The following UBQLN1 variants were observed in gnomAD, a reference collection of about 807,000 sequenced individuals.
UBQLN1 encodes ubiquilin 1, also known as ubiquilin-1.
In UBQLN1, 13 loss-of-function variants were observed where a neutral mutation model predicts 65.4. The ratio of observed to expected loss-of-function variants is 0.20; its 90% CI spans 0.13 to 0.32. The LOEUF is 0.32. UBQLN1 is among the 10% of genes least tolerant of loss of function. The pLI is 1.00. For missense variants in UBQLN1, 561 were observed against 724.0 expected, an observed-to-expected ratio of 0.77 and a Z score of 2.58; for synonymous variants, 267 against 247.8, an observed-to-expected ratio of 1.08 and a Z score of -0.73.
chr9:83,673,704 A>T (rs1490666191), intron 6 of UBQLN1, among the ~76,000 whole-genome samples: 2 of 152,194 alleles, frequency 1.3e-5, no homozygotes, highest in Admixed American at 1.3e-4. Context: ...TTATTGGAAC[A>T]GTCATTCTCA....
chr9:83,660,017 T>G lies in UBQLN1; in HGVS notation c.*1770A>C, dbSNP rs746517237. 7 of 152,228 alleles carry G rather than the reference T, an allele frequency of 4.6e-5. No homozygotes were observed. The highest frequency in any genetic ancestry group is 8.8e-5 in the Non-Finnish European group (6 of 68,044). 9.4% of individuals were successfully genotyped at this position (152,228 alleles called of 1,614,324 possible). ...ATTTTATGATTAATAAATTGTCAAA[T>G]TAGTTATGACACTATCCCACACTGA... On this transcript the variant is annotated 3_prime_UTR_variant, in exon 11 of 11. Coordinates refer to ENST00000376395, the MANE Select transcript of UBQLN1 (RefSeq NM_013438.5).
At chr9:83,680,355 A>G (rs1279551003) in intron 3 of UBQLN1, among the ~76,000 whole-genome samples, 1 of 152,104 alleles carries the variant, frequency 6.6e-6, no homozygotes, top group East Asian at 1.9e-4. Context: ...TGACAGGAGT[A>G]TCTTTTATTA....
At chr9:83,663,331 C>A (rs921109215) in intron 10 of UBQLN1, among the ~76,000 whole-genome samples, 6 of 152,102 alleles carry the variant, frequency 3.9e-5, no homozygotes, top group African/African-American at 1.4e-4. Context: ...ATTAGTAAAA[C>A]CAATGTATGT....
chr9:83,693,456 T>C lies in UBQLN1; in HGVS notation c.181-7301A>G, dbSNP rs776098144. ...TCAAGGTATCTTGTATCTGCCTTTT[T>C]CTTTTTCTTATTTTTTTTTTAACCA... On this transcript the variant is annotated intron_variant, in intron 1 of 10. Coordinates refer to ENST00000376395, the MANE Select transcript of UBQLN1 (RefSeq NM_013438.5). Among the ~76,000 whole-genome samples the C allele has an allele frequency of 2.2e-5, 3 of 139,084 alleles. 1 individual carries two copies. In the South Asian group the frequency reaches 6.9e-4, roughly 32 times the overall value. The allele number at this position is 139,084 out of a possible 152,430, so 91.2% of individuals were successfully genotyped here.
intron 2 of UBQLN1, among the ~76,000 whole-genome samples, chr9:83,683,561 C>T (rs1471939983): frequency 6.6e-6 from 1 of 151,674 alleles, no homozygotes; most frequent in African/African-American, 2.4e-5. Context: ...AAAATAAAAC[C>T]CTACAAAATA....
chr9:83,673,560 A>C (rs566584369), intron 6 of UBQLN1, among the ~76,000 whole-genome samples: 2 of 86,258 alleles, frequency 2.3e-5, no homozygotes, highest in East Asian at 2.5e-4. Context: ...AAAAAAAAAA[A>C]AAAAAAACAA....
chr9:83,683,978 G>A (rs1245702047), intron 2 of UBQLN1, among the ~76,000 whole-genome samples: 8 of 151,922 alleles, frequency 5.3e-5, no homozygotes, highest in East Asian at 2.0e-4. Context: ...CCAAGATTGC[G>A]CCACTGCACT....
In UBQLN1 at chr9:83,666,436, A is replaced by G. The variant is rs1831644373; in HGVS notation, c.1249-3T>C. On this transcript the variant is annotated splice_polypyrimidine_tract_variant and splice_region_variant and intron_variant, in intron 7 of 10. Coordinates refer to ENST00000376395, the MANE Select transcript of UBQLN1 (RefSeq NM_013438.5). ...AATAGGGGATTATTCAGCATCATCT[A>G]TGGGGCAAGTGTTCAAACAATTTTA... The G allele has an allele frequency of 6.2e-7, 1 of 1,613,626 alleles. No individual in the cohort carries two copies. The highest frequency in any genetic ancestry group is 2.2e-5 in the East Asian group (1 of 44,844).
At chr9:83,699,478 C>T (rs958760503) in intron 1 of UBQLN1, among the ~76,000 whole-genome samples, 2 of 152,110 alleles carry the variant, frequency 1.3e-5, no homozygotes, top group Non-Finnish European at 2.9e-5. Context: ...AGGTGTGTGC[C>T]ACCACACCTA....
chr9:83,679,259 G>A (rs1363849461), intron 4 of UBQLN1, among the ~76,000 whole-genome samples: 2 of 152,082 alleles, frequency 1.3e-5, no homozygotes, highest in South Asian at 2.1e-4. Flanking sequence ...CTTTTTGTTC[G>A]TTTTTGCTTT....
At chr9:83,705,246 C>CTTTTTTTT (rs57550660) in intron 1 of UBQLN1, among the ~76,000 whole-genome samples, 5 of 129,484 alleles carry the variant, frequency 3.9e-5, no homozygotes, top group Admixed American at 7.5e-5. Flanking sequence ...GCCAGCACTC[C>CTTTTTTTT]TTTTTTTTTT....
rs1448487512 is a variant in UBQLN1 at position 83,667,692 on chromosome 9, T to C, written c.1249-1259A>G. The C allele has an allele frequency of 5.1e-6, 5 of 985,058 alleles. No homozygotes were observed. The South Asian group carries it at 2.3e-4, about 46-fold the overall frequency. The allele number at this position is 985,058 out of a possible 1,614,324, so 61.0% of individuals were successfully genotyped here. A position where few individuals can be genotyped will look rare whatever the true frequency, so the allele number is the denominator to read the frequency against. On this transcript the variant is annotated intron_variant, in intron 7 of 10. Transcript: ENST00000376395. ...CATTTCATCTTAAAAAAGCATGTCA[T>C]CTTAAACGTATCCTTTCACAGATAA... is the stretch of plus-strand genomic sequence containing the variant.
chr9:83,678,398 C>CAG, intron 5 of UBQLN1, 43 bp downstream of exon 5: 1 of 1,567,702 alleles, frequency 6.4e-7, no homozygotes. Context: ...TGTGTTAAAA[C>CAG]AGAAGCTACT....
At position 83,707,691 on chromosome 9, in the gene UBQLN1, C is replaced by T. The variant is rs746021496; in HGVS notation, c.-12G>A. On this transcript the variant is annotated 5_prime_UTR_variant, in exon 1 of 11. Transcript: ENST00000376395. ...CCACTCTCGGCCATGGCTGTGGCGG[C>T]GGCGGCGGCGGTGACTCAGGCAAGC... 2.8e-5 allele frequency: 42 copies of T among 1,524,742 alleles called. No homozygotes were observed. In the East Asian group the frequency reaches 1.0e-3, roughly 36 times the overall value. 94.5% of individuals were successfully genotyped at this position (1,524,742 alleles called of 1,614,324 possible).
chr9:83,679,510 G>T (rs1831904681), intron 4 of UBQLN1, among the ~76,000 whole-genome samples: 1 of 152,182 alleles, frequency 6.6e-6, no homozygotes, highest in Admixed American at 6.5e-5. Context: ...GAAGCACTTT[G>T]TTATGAGTGA....
intron 1 of UBQLN1, among the ~76,000 whole-genome samples, chr9:83,690,257 G>A (rs1297883839): frequency 2.0e-5 from 3 of 152,142 alleles, no homozygotes; most frequent in Non-Finnish European, 2.9e-5. Flanking sequence ...TACCCCCAAT[G>A]ACAACAAATG....
At chr9:83,707,437 T>C in intron 1 of UBQLN1, 63 bp downstream of exon 1, 9 of 1,522,168 alleles carry the variant, frequency 5.9e-6, no homozygotes, top group Non-Finnish European at 7.9e-6. Context: ...AAAGGTCTCC[T>C]GGGGCGGCGG....
At position 83,702,409 on chromosome 9, in the gene UBQLN1, A is replaced by G. The variant is rs577660198; in HGVS notation, c.180+5091T>C. ...TTAGAACAAAGCAAATAAGAAAACAATGATCTCACAGACATTTTTTTTCTC... is the reference window on the plus strand; with the variant it reads ...TTAGAACAAAGCAAATAAGAAAACAGTGATCTCACAGACATTTTTTTTCTC... On this transcript the variant is annotated intron_variant, in intron 1 of 10. Transcript: ENST00000376395. Among the ~76,000 whole-genome samples, 5 of 152,330 alleles carry G rather than the reference A, an allele frequency of 3.3e-5. No individual in the cohort carries two copies. The South Asian group carries it at 1.0e-3, about 32-fold the overall frequency.
intron 1 of UBQLN1, among the ~76,000 whole-genome samples, chr9:83,695,753 G>A (rs975351070): frequency 6.6e-6 from 1 of 152,098 alleles, no homozygotes; most frequent in African/African-American, 2.4e-5. Flanking sequence ...GGAAAAATCA[G>A]AGTTCAGGTC....
Sources: gnomAD v4.1 joint callset for allele counts (sites outside exome capture counted in the v4.1 genomes callset) on GRCh38, gnomAD v4.1.1 for gene constraint, MANE v1.5 for transcripts, NCBI Gene and HGNC (gene_info 2026-07-23, HGNC 2026-07-21) for gene names.